Variants in CNTN1 observed in about 807,000 individuals in gnomAD.
CNTN1 encodes contactin 1, also known as contactin-1.
In CNTN1, 38 loss-of-function variants were observed where a neutral mutation model predicts 126.4. That is an observed-to-expected ratio of 0.30 (90% CI 0.23 to 0.39). CNTN1 has a LOEUF of 0.39. CNTN1 is among the 10% of genes least tolerant of loss of function. The pLI is 1.00. For missense variants in CNTN1, 1,009 were observed against 1,248.4 expected, an observed-to-expected ratio of 0.81 and a Z score of 2.89; for synonymous variants, 413 against 422.6, an observed-to-expected ratio of 0.98 and a Z score of 0.28.
chr12:41,014,168 GA>G, intron 17 of CNTN1, 59 bp from the exon 18 acceptor site: 4 of 1,521,406 alleles, frequency 2.6e-6, no homozygotes, highest in Non-Finnish European at 3.6e-6. Context: ...CTAACACCAG[GA>G]AAAAAATGCA....
intron 23 of CNTN1, among the ~76,000 whole-genome samples, chr12:41,032,089 T>C (rs766908793): frequency 3.9e-5 from 6 of 152,202 alleles, no homozygotes; most frequent in Non-Finnish European, 7.3e-5. Flanking sequence ...GCAATCACAG[T>C]TCACATATTT....
At chr12:40,819,866 C>G (rs1941389206) in intron 1 of CNTN1, among the ~76,000 whole-genome samples, 1 of 152,158 alleles carries the variant, frequency 6.6e-6, no homozygotes, top group African/African-American at 2.4e-5. Context: ...GTTTACCCAG[C>G]TGGGTATCGT....
intron 1 of CNTN1, among the ~76,000 whole-genome samples, chr12:40,906,565 C>A (rs953363730): frequency 2.6e-5 from 4 of 151,746 alleles, no homozygotes; most frequent in African/African-American, 9.7e-5. Context: ...TAGTATGGTG[C>A]AAGCAATCAG....
chr12:40,711,018 G>T (rs1941900141), intron 1 of CNTN1, among the ~76,000 whole-genome samples: 1 of 152,040 alleles, frequency 6.6e-6, no homozygotes, highest in Admixed American at 6.6e-5. Flanking sequence ...ATCACTCTGA[G>T]GTGTAATATC....
chr12:40,903,810 T>C (rs1438308766), intron 1 of CNTN1, among the ~76,000 whole-genome samples: 1 of 152,162 alleles, frequency 6.6e-6, no homozygotes, highest in Non-Finnish European at 1.5e-5. Flanking sequence ...CTCAAAATAA[T>C]GAAAATAACT....
At chr12:40,971,492 A>G (rs748233413) in intron 15 of CNTN1, 19 of 1,596,826 alleles carry the variant, frequency 1.2e-5, no homozygotes, top group Non-Finnish European at 1.4e-5. Flanking sequence ...CCGTCTGTGC[A>G]AGCCTGCCTC....
intron 15 of CNTN1, among the ~76,000 whole-genome samples, chr12:40,977,097 C>G (rs1157221108): frequency 6.6e-6 from 1 of 152,074 alleles, no homozygotes; most frequent in Non-Finnish European, 1.5e-5. Context: ...CATGAGATAT[C>G]AATCAACACA....
intron 20 of CNTN1, among the ~76,000 whole-genome samples, chr12:41,024,089 G>A (rs1435448640): frequency 6.6e-6 from 1 of 152,096 alleles, no homozygotes; most frequent in Non-Finnish European, 1.5e-5. Context: ...ACTTCTGAAT[G>A]TCCAGAAATG....
chr12:40,806,493 T>G (rs1940860720), intron 1 of CNTN1, among the ~76,000 whole-genome samples: 1 of 152,102 alleles, frequency 6.6e-6, no homozygotes, highest in Admixed American at 6.6e-5. Flanking sequence ...TTCAGGGAAG[T>G]GCATGGCATC....
chr12:40,846,544 A>G lies in CNTN1; in HGVS notation c.-76-61813A>G, dbSNP rs1442822669. ...GCTCCCATGTGTCGTCACTCCACAT[A>G]GCAGTAGAAAAGCTTCACCAGAGTC... On this transcript the variant is annotated intron_variant, in intron 1 of 23. Transcript: ENST00000551295. 6.6e-5 allele frequency among the ~76,000 whole-genome samples: 10 copies of G among 152,216 alleles called. 1 individual carries two copies. Among genetic ancestry groups the G allele is most frequent in the Admixed American group, 5.9e-4 (9 of 15,276 alleles).
chr12:40,800,154 C>T (rs1940591100), intron 1 of CNTN1, among the ~76,000 whole-genome samples: 1 of 151,810 alleles, frequency 6.6e-6, no homozygotes, highest in Admixed American at 6.6e-5. Context: ...GGTGGTTTTC[C>T]TCATGCTGTT....
intron 1 of CNTN1, among the ~76,000 whole-genome samples, chr12:40,790,324 T>C (rs1399415889): frequency 2.0e-5 from 3 of 152,082 alleles, no homozygotes; most frequent in Non-Finnish European, 2.9e-5. Context: ...GGCAGTGTTA[T>C]GGATAGGAAG....
At chr12:41,060,885 A>T (rs1263866206) in intron 23 of CNTN1, among the ~76,000 whole-genome samples, 1 of 152,214 alleles carries the variant, frequency 6.6e-6, no homozygotes, top group Non-Finnish European at 1.5e-5. Flanking sequence ...CTAAAAAATC[A>T]AATATCTTTT....
chr12:40,932,872 A>AT (rs1945939963), intron 7 of CNTN1, among the ~76,000 whole-genome samples: 1 of 151,892 alleles, frequency 6.6e-6, no homozygotes, highest in African/African-American at 2.4e-5. Context: ...TCTAAGCCTG[A>AT]TTTTTTCTGT....
intron 1 of CNTN1, among the ~76,000 whole-genome samples, chr12:40,822,580 A>G (rs73116791): frequency 0.022 from 3,408 of 152,138 alleles, 124 homozygotes; most frequent in African/African-American, 0.078. Context: ...GTGAATTTTT[A>G]AAAATGCTAT....
intron 23 of CNTN1, among the ~76,000 whole-genome samples, chr12:41,049,190 C>G (rs1297537545): frequency 6.6e-6 from 1 of 152,124 alleles, no homozygotes; most frequent in Non-Finnish European, 1.5e-5. Context: ...TTAAAGTCTC[C>G]CAGGACTCAG....
chr12:40,960,095 C>T (rs927945011), intron 15 of CNTN1, among the ~76,000 whole-genome samples: 6 of 151,990 alleles, frequency 3.9e-5, no homozygotes, highest in Admixed American at 1.3e-4. Context: ...GTTCATGAAT[C>T]CTTCTCTTGA....
At chr12:40,972,676 A>G in intron 15 of CNTN1, 1 of 964,340 alleles carries the variant, frequency 1.0e-6, no homozygotes, top group Non-Finnish European at 1.2e-6. Context: ...TTACTGTTCC[A>G]AAAGGAGCTA....
chr12:40,928,350 A>G (rs764262888), intron 6 of CNTN1, among the ~76,000 whole-genome samples: 9 of 152,030 alleles, frequency 5.9e-5, no homozygotes, highest in Non-Finnish European at 1.3e-4. Context: ...ATACTTCTTT[A>G]CTTATCCCAG....
Sources: gnomAD v4.1 joint callset for allele counts (sites outside exome capture counted in the v4.1 genomes callset) on GRCh38, gnomAD v4.1.1 for gene constraint, MANE v1.5 for transcripts, NCBI Gene and HGNC (gene_info 2026-07-23, HGNC 2026-07-21) for gene names.